ARMC8: variants seen among roughly 807,000 people sequenced by gnomAD.
ARMC8 encodes the protein armadillo repeat containing 8, also known as armadillo repeat-containing protein 8.
A neutral mutation model predicts 99.3 loss-of-function variants in ARMC8; 20 were observed. The observed-to-expected ratio is 0.20, with a 90% CI of 0.14 to 0.29. The LOEUF (loss-of-function observed/expected upper bound fraction) is 0.29, where lower values mean the gene tolerates loss of function less well. Ranked by LOEUF, ARMC8 falls within the 10% of genes least tolerant of loss-of-function variation. The pLI is 1.00. For missense variants in ARMC8, 569 were observed against 809.5 expected (o/e 0.70, Z 3.60); for synonymous variants, 263 against 278.3 (o/e 0.95, Z 0.55).
intron 20 of ARMC8, among the ~76,000 whole-genome samples, chr3:138,289,952 G>A (rs1207881406): frequency 6.6e-6 from 1 of 152,124 alleles, no homozygotes; most frequent in Non-Finnish European, 1.5e-5. Context: ...AGTGCAAGAA[G>A]GGAAACTGGA....
intron 5 of ARMC8, among the ~76,000 whole-genome samples, chr3:138,228,420 A>G (rs2045807136): frequency 6.6e-6 from 1 of 152,260 alleles, no homozygotes; most frequent in African/African-American, 2.4e-5. Context: ...GCTGCCAGTC[A>G]TATAAATTGT....
intron 18 of ARMC8, among the ~76,000 whole-genome samples, 174 bp from the exon 19 acceptor site, chr3:138,284,257 T>G (rs549575989): frequency 4.7e-4 from 72 of 152,304 alleles, no homozygotes; most frequent in Non-Finnish European, 8.4e-4. Flanking sequence ...AGATTTTGTT[T>G]GGGTGTGGTT....
chr3:138,215,662 T>G (rs906334233), intron 2 of ARMC8, among the ~76,000 whole-genome samples: 2 of 152,190 alleles, frequency 1.3e-5, no homozygotes, highest in Non-Finnish European at 2.9e-5. Context: ...GATTTTACTC[T>G]TCATTTTTAG....
At chr3:138,208,356 C>T (rs1291933659) in intron 1 of ARMC8, among the ~76,000 whole-genome samples, 1 of 152,164 alleles carries the variant, frequency 6.6e-6, no homozygotes, top group Non-Finnish European at 1.5e-5. Flanking sequence ...ATCCCAGCTA[C>T]TCAGGAGGCT....
intron 1 of ARMC8, among the ~76,000 whole-genome samples, chr3:138,200,878 T>C (rs1190422417): frequency 6.6e-6 from 1 of 151,716 alleles, no homozygotes; most frequent in African/African-American, 2.4e-5. Context: ...TCTCCCTTTG[T>C]TGAAATGTAC....
intron 19 of ARMC8, among the ~76,000 whole-genome samples, chr3:138,288,497 T>A (rs2050633400): frequency 6.6e-6 from 1 of 152,234 alleles, no homozygotes; most frequent in Non-Finnish European, 1.5e-5. Context: ...TGAATTTGCA[T>A]GTCTTTTGGC....
At chr3:138,217,100 T>C (rs1302576247) in intron 2 of ARMC8, among the ~76,000 whole-genome samples, 2 of 152,218 alleles carry the variant, frequency 1.3e-5, no homozygotes, top group Admixed American at 1.3e-4. Context: ...AAGTGTGTAG[T>C]AGGCTATACC....
At chr3:138,252,566 G>A (rs957011185) in intron 12 of ARMC8, among the ~76,000 whole-genome samples, 2 of 149,950 alleles carry the variant, frequency 1.3e-5, no homozygotes, top group South Asian at 2.1e-4. Context: ...CGATTCTCCT[G>A]CCTCAGCCTC....
chr3:138,206,038 T>G (rs531702023), intron 1 of ARMC8, among the ~76,000 whole-genome samples: 44 of 152,368 alleles, frequency 2.9e-4, no homozygotes, highest in Non-Finnish European at 5.1e-4. Flanking sequence ...AAGCAAAATA[T>G]TATTTCAATA....
At chr3:138,201,591 A>G (rs1040957784) in intron 1 of ARMC8, among the ~76,000 whole-genome samples, 2 of 150,962 alleles carry the variant, frequency 1.3e-5, no homozygotes, top group Non-Finnish European at 3.0e-5. Flanking sequence ...CCGCCCAAGT[A>G]GGTAGCATTA....
intron 9 of ARMC8, 93 bp downstream of exon 9, chr3:138,237,665 AT>A: frequency 2.0e-6 from 2 of 997,606 alleles, no homozygotes; most frequent in Non-Finnish European, 3.0e-6. Flanking sequence ...TCCAATCCCC[AT>A]TTTATTTTGA....
At chr3:138,203,352 T>C (rs956273891) in intron 1 of ARMC8, among the ~76,000 whole-genome samples, 2 of 152,234 alleles carry the variant, frequency 1.3e-5, no homozygotes, top group Non-Finnish European at 1.5e-5. Flanking sequence ...AGGTTAGTAA[T>C]ACAAATGTGG....
At chr3:138,187,257 G>C (rs2043114243), upstream of ARMC8, 2 of 406,148 alleles carry the variant, frequency 4.9e-6, no homozygotes. Context: ...CGAGCGGCAG[G>C]TGGGGCCGGC....
chr3:138,208,047 G>T (rs2044473274), intron 1 of ARMC8, among the ~76,000 whole-genome samples: 1 of 151,062 alleles, frequency 6.6e-6, no homozygotes, highest in Admixed American at 6.6e-5. Flanking sequence ...TATTCCTTGA[G>T]CCCAGGAGTT....
chr3:138,226,368 G>A (rs2045698874), intron 5 of ARMC8, among the ~76,000 whole-genome samples: 1 of 152,190 alleles, frequency 6.6e-6, no homozygotes, highest in African/African-American at 2.4e-5. Context: ...TCTATAGAGT[G>A]TTTACTGTAG....
At chr3:138,235,264 A>T in intron 7 of ARMC8, 150 bp downstream of exon 7, 1 of 557,472 alleles carries the variant, frequency 1.8e-6, no homozygotes, top group Non-Finnish European at 3.1e-6. Flanking sequence ...TAGCTATAGA[A>T]TGCTCTTTAA....
At chr3:138,253,466 A>G (rs2047235768) in intron 12 of ARMC8, among the ~76,000 whole-genome samples, 1 of 152,186 alleles carries the variant, frequency 6.6e-6, no homozygotes, top group Non-Finnish European at 1.5e-5. Flanking sequence ...TAACTATTAC[A>G]TCACTTTATA....
At chr3:138,282,635 CAA>C (rs760470914) in intron 18 of ARMC8, among the ~76,000 whole-genome samples, 58 of 47,498 alleles carry the variant, frequency 1.2e-3, no homozygotes, top group Non-Finnish European at 2.1e-3. Flanking sequence ...GACTCCATCT[CAA>C]AAAAAAAAAA....
intron 18 of ARMC8, 125 bp downstream of exon 18, chr3:138,274,669 T>G (rs555982678): frequency 1.5e-6 from 1 of 669,314 alleles, no homozygotes; most frequent in Non-Finnish European, 2.6e-6. Context: ...GCTCTAGAAA[T>G]AGGAAGAAAT....
Sources: gnomAD v4.1 joint callset for allele counts (sites outside exome capture counted in the v4.1 genomes callset) on GRCh38, gnomAD v4.1.1 for gene constraint, MANE v1.5 for transcripts, NCBI Gene and HGNC (gene_info 2026-07-23, HGNC 2026-07-21) for gene names.